Variants in AHI1 observed in about 807,000 individuals in gnomAD.
The protein encoded by AHI1 is jouberin.
In AHI1, 123 loss-of-function variants were observed where a neutral mutation model predicts 149.3. The ratio of observed to expected loss-of-function variants is 0.82; its 90% CI spans 0.71 to 0.96. The LOEUF is 0.96. AHI1 is among the 40% of genes least tolerant of loss of function. The pLI, the probability that AHI1 is intolerant of heterozygous loss-of-function variation, is 0.00. For missense variants in AHI1, 1,439 were observed against 1,422.7 expected (o/e 1.01, Z -0.18); for synonymous variants, 475 against 459.8 (o/e 1.03, Z -0.42).
At chr6:135,423,696 A>T (rs1783538300) in intron 20 of AHI1, among the ~76,000 whole-genome samples, 1 of 152,128 alleles carries the variant, frequency 6.6e-6, no homozygotes. Flanking sequence ...GCTCAACTTG[A>T]CACACAATAG....
At chr6:135,454,157 ATAT>A (rs1188479395) in intron 10 of AHI1, among the ~76,000 whole-genome samples, 1 of 152,140 alleles carries the variant, frequency 6.6e-6, no homozygotes, top group Non-Finnish European at 1.5e-5. Context: ...TATAAAAAAT[ATAT>A]AGATCCAAAG....
At chr6:135,366,737 C>T (rs146703657) in intron 23 of AHI1, among the ~76,000 whole-genome samples, 2,663 of 152,252 alleles carry the variant, frequency 0.017, 39 homozygotes, top group African/African-American at 0.034. Context: ...AAAGAACCAG[C>T]TTTTCATTTC....
At chr6:135,351,966 C>T (rs1792179393) in intron 24 of AHI1, among the ~76,000 whole-genome samples, 1 of 152,180 alleles carries the variant, frequency 6.6e-6, no homozygotes, top group South Asian at 2.1e-4. Context: ...ATGATGGGAT[C>T]TCCCTTTTTA....
At chr6:135,325,066 G>A (rs529918561) in intron 24 of AHI1, among the ~76,000 whole-genome samples, 27 of 143,396 alleles carry the variant, frequency 1.9e-4, no homozygotes, top group African/African-American at 6.7e-4. Context: ...TGGCTCTGTC[G>A]CCCAGGCTGG....
At position 135,427,299 on chromosome 6, in the gene AHI1, C is replaced by T. The variant is rs2128006042; in HGVS notation, c.2632G>A (p.Val878Ile). 1 of 1,608,294 alleles carries T rather than the reference C, an allele frequency of 6.2e-7. No individual in the cohort carries two copies. Among genetic ancestry groups the T allele is most frequent in the Non-Finnish European group, 8.5e-7 (1 of 1,176,428 alleles). The change falls in exon 20 of 29, where the codon GTA (valine) becomes ATA (isoleucine). Residue 878 changes from valine (V) to isoleucine (I), a missense_variant. Transcript: ENST00000265602. ...AATGGCAAGTCAGAATACATGGCTA[C>T]TTGTTCTCCTAAATAAAAAGAGAGA... Reference protein sequence around the residue: ...YVWNPETGEQVAMYSDLPFKS... With the variant: ...YVWNPETGEQIAMYSDLPFKS...
chr6:135,357,084 A>G (rs1441367582), intron 24 of AHI1, among the ~76,000 whole-genome samples: 1 of 152,178 alleles, frequency 6.6e-6, no homozygotes, highest in Non-Finnish European at 1.5e-5. Context: ...GACTACAGGC[A>G]TGCACCACCA....
At chr6:135,346,129 G>A (rs1250683615) in intron 24 of AHI1, among the ~76,000 whole-genome samples, 1 of 152,178 alleles carries the variant, frequency 6.6e-6, no homozygotes, top group Non-Finnish European at 1.5e-5. Context: ...AACTAAAGTG[G>A]AAAGGCCCAG....
intron 26 of AHI1, among the ~76,000 whole-genome samples, chr6:135,315,227 T>C (rs1238217715): frequency 6.6e-6 from 1 of 152,212 alleles, no homozygotes; most frequent in Non-Finnish European, 1.5e-5. Context: ...AACATGTTCC[T>C]CAATTTCACT....
At position 135,488,015 on chromosome 6, in the gene AHI1, A is replaced by G. The variant is rs531552534; in HGVS notation, c.135+2608T>C. On this transcript the variant is annotated intron_variant, in intron 5 of 28. Transcript: ENST00000265602. ...AGGTGACCAGATTCCTCAGGCTACA[A>G]TTTTTCTCTTAGTGCTCTAAATATT... is the stretch of plus-strand genomic sequence containing the variant. Among the ~76,000 whole-genome samples the G allele has an allele frequency of 9.2e-4, 140 of 152,148 alleles. 1 individual carries two copies. Among genetic ancestry groups the G allele is most frequent in the African/African-American group, 3.1e-3 (130 of 41,518 alleles).
chr6:135,358,088 T>C, intron 24 of AHI1, 44 bp downstream of exon 24: 1 of 1,568,926 alleles, frequency 6.4e-7, no homozygotes. Context: ...TATAATTTTG[T>C]ACTTTCTTAA....
chr6:135,490,475 A>C lies in AHI1; in HGVS notation c.135+148T>G. The C allele has an allele frequency of 3.3e-6, 3 of 919,442 alleles. No individual in the cohort carries two copies. The South Asian group carries it at 4.8e-5, about 15-fold the overall frequency. 57.0% of individuals were successfully genotyped at this position (919,442 alleles called of 1,614,324 possible). The stretch of plus-strand genomic sequence containing the variant: ...CACAGTGATGTTGATTCTAATATAA[A>C]CTTTATTTTTACCACATGTTATTGA... On this transcript the variant is annotated intron_variant, in intron 5 of 28. Transcript: ENST00000265602.
intron 21 of AHI1, among the ~76,000 whole-genome samples, chr6:135,407,323 C>T (rs561852946): frequency 6.6e-6 from 1 of 152,018 alleles, no homozygotes; most frequent in Admixed American, 6.6e-5. Context: ...TGGCAAGAAA[C>T]GAGAAAAGGC....
At chr6:135,465,273 A>T (rs571558762) in intron 7 of AHI1, among the ~76,000 whole-genome samples, 1 of 152,324 alleles carries the variant, frequency 6.6e-6, no homozygotes, top group East Asian at 1.9e-4. Flanking sequence ...GTGTATGTTC[A>T]CTTAACCTCA....
intron 26 of AHI1, 42 bp downstream of exon 26, chr6:135,318,477 A>T: frequency 1.6e-6 from 2 of 1,246,280 alleles, no homozygotes; most frequent in Non-Finnish European, 2.3e-6. Context: ...AGAGAGTGAA[A>T]ATCAAAGTAC....
chr6:135,468,413 A>T lies in AHI1; in HGVS notation c.136-779T>A, dbSNP rs1475158719. On this transcript the variant is annotated intron_variant, in intron 5 of 28. Transcript: ENST00000265602. ...CAGAGACACAAAAAACCCTTCAAAA[A>T]ATCAATGAGGCTGGGCATGGTGGCT... Among the ~76,000 whole-genome samples, 5 of 152,228 alleles carry T rather than the reference A, an allele frequency of 3.3e-5. No individual in the cohort carries two copies. In the East Asian group the frequency reaches 9.7e-4, roughly 29 times the overall value.
In AHI1 at chr6:135,369,541, C is replaced by CCTAG. The variant is rs368019561; in HGVS notation, c.3110-11355_3110-11354insCTAG. Among the ~76,000 whole-genome samples, 816 of 152,312 alleles carry CCTAG rather than the reference C, an allele frequency of 5.4e-3. 9 individuals carry two copies. Among genetic ancestry groups the CCTAG allele is most frequent in the African/African-American group, 0.018 (728 of 41,570 alleles). Reference sequence around the variant, plus strand: ...TAGGTTGTCTTTAATTAGAGGAAAACTACTAGCCCATTATTTCTTCAAATA... The same window carrying CCTAG: ...TAGGTTGTCTTTAATTAGAGGAAAACCTAGTACTAGCCCATTATTTCTTCAAATA... On this transcript the variant is annotated intron_variant, in intron 23 of 28. Transcript: ENST00000265602.
At chr6:135,472,610 G>C (rs112021247) in intron 5 of AHI1, among the ~76,000 whole-genome samples, 5,182 of 152,242 alleles carry the variant, frequency 0.034, 145 homozygotes, top group African/African-American at 0.069. Context: ...ATTTTTATCA[G>C]CAATTTCTAA....
chr6:135,455,092 G>A (rs570030952), intron 10 of AHI1, among the ~76,000 whole-genome samples: 10 of 152,134 alleles, frequency 6.6e-5, no homozygotes, highest in African/African-American at 2.4e-4. Flanking sequence ...TGGTATTCTA[G>A]GTTCAAACTA....
chr6:135,477,772 A>G (rs1352142341), intron 5 of AHI1, among the ~76,000 whole-genome samples: 1 of 152,046 alleles, frequency 6.6e-6, no homozygotes, highest in Admixed American at 6.6e-5. Flanking sequence ...TGCCTCCTGT[A>G]TAGCCTGTTG....
Sources: allele counts gnomAD v4.1 joint callset (sites outside exome capture counted in the v4.1 genomes callset), GRCh38; gene constraint gnomAD v4.1.1; transcripts MANE v1.5; gene names NCBI Gene and HGNC (gene_info 2026-07-23, HGNC 2026-07-21).